The following SPECC1 variants were observed in gnomAD, a reference collection of about 807,000 sequenced individuals.
SPECC1 encodes the protein cytospin-B.
Under a neutral mutation model 104.1 loss-of-function variants are expected in SPECC1, and 62 were observed. The ratio of observed to expected loss-of-function variants is 0.60; its 90% CI spans 0.49 to 0.74. The LOEUF (loss-of-function observed/expected upper bound fraction) is 0.74. SPECC1 is among the 30% of genes least tolerant of loss of function. The pLI, the probability that SPECC1 is intolerant of heterozygous loss-of-function variation, is 0.00. For missense variants in SPECC1, 1,306 were observed against 1,310.5 expected, an observed-to-expected ratio of 1.00 and a Z score of 0.05; for synonymous variants, 513 against 501.6, an observed-to-expected ratio of 1.02 and a Z score of -0.30.
chr17:20,314,639 CA>C lies in SPECC1; in HGVS notation c.*581del. The C allele has an allele frequency of 1.3e-5, 3 of 227,108 alleles. No homozygotes were observed. Among genetic ancestry groups the C allele is most frequent in the Non-Finnish European group, 1.7e-5 (2 of 114,924 alleles). The allele number at this position is 227,108 out of a possible 1,614,324, so 14.1% of individuals were successfully genotyped here. A position where few individuals can be genotyped will look rare whatever the true frequency, so the allele number is the denominator to read the frequency against. On this transcript the variant is annotated 3_prime_UTR_variant, in exon 15 of 15. Transcript: ENST00000395527. The stretch of plus-strand genomic sequence containing the variant: ...TGTGTGAAAGAGCCAGACCCTGTCT[CA>C]AAAAAATGATAAAACCCAAAACTTT...
intron 7 of SPECC1, among the ~76,000 whole-genome samples, chr17:20,243,622 C>T (rs542749265): frequency 2.6e-5 from 4 of 152,280 alleles, no homozygotes; most frequent in African/African-American, 9.6e-5. Context: ...TTTCTCTTCT[C>T]AAATTATACA....
chr17:20,120,764 C>G (rs1167238077), intron 3 of SPECC1, among the ~76,000 whole-genome samples: 1 of 152,202 alleles, frequency 6.6e-6, no homozygotes, highest in Non-Finnish European at 1.5e-5. Context: ...TGATTTTGAA[C>G]TTACAAGAAT....
chr17:20,234,072 G>T (rs911528377), intron 7 of SPECC1, among the ~76,000 whole-genome samples: 7 of 152,168 alleles, frequency 4.6e-5, no homozygotes, highest in African/African-American at 1.7e-4. Context: ...AGACCATGCA[G>T]CGTGAACCCT....
At chr17:20,159,223 G>T (rs983334481) in intron 3 of SPECC1, among the ~76,000 whole-genome samples, 2 of 152,140 alleles carry the variant, frequency 1.3e-5, no homozygotes, top group Non-Finnish European at 2.9e-5. Flanking sequence ...GGGATCACAG[G>T]TGTGAGCCAC....
At chr17:20,288,781 T>A (rs1435397877) in intron 12 of SPECC1, among the ~76,000 whole-genome samples, 1 of 143,480 alleles carries the variant, frequency 7.0e-6, no homozygotes, top group Admixed American at 7.0e-5. Flanking sequence ...CTTTTTTTTT[T>A]TTTTTTTTTT....
chr17:20,162,116 C>T (rs1597851919), intron 3 of SPECC1, among the ~76,000 whole-genome samples: 1 of 151,162 alleles, frequency 6.6e-6, no homozygotes, highest in East Asian at 2.0e-4. Context: ...CACTTCTGCC[C>T]TCAGACTTCG....
intron 1 of SPECC1, among the ~76,000 whole-genome samples, chr17:20,059,213 G>C (rs951771983): frequency 6.6e-6 from 1 of 151,830 alleles, no homozygotes; most frequent in African/African-American, 2.4e-5. Flanking sequence ...CTGTAATATA[G>C]AATCAATGGG....
Position 20,188,514 on chromosome 17 carries a change from T to A in SPECC1, c.284-15819T>A, listed in dbSNP as rs1342356222. 2.0e-5 allele frequency among the ~76,000 whole-genome samples: 3 copies of A among 152,122 alleles called. No individual in the cohort carries two copies. The East Asian group carries it at 5.8e-4, about 29-fold the overall frequency. ...CTCAGGTGATATTCCTGACCTCAGGTGATCTGCCTGCCTTGGCCTCCCAAA... is the reference window on the plus strand; with the variant it reads ...CTCAGGTGATATTCCTGACCTCAGGAGATCTGCCTGCCTTGGCCTCCCAAA... On this transcript the variant is annotated intron_variant, in intron 3 of 14. Transcript: ENST00000395527.
Position 20,211,129 on chromosome 17 carries a change from A to G in SPECC1, c.1863+5217A>G, listed in dbSNP as rs141977959. On this transcript the variant is annotated intron_variant, in intron 4 of 14. Transcript: ENST00000395527. ...CTCAGAGGATTCAGATGTGCAGGCA[A>G]AACTCTTTGGGGCCCTGCAGGGAAG... Among the ~76,000 whole-genome samples, 891 of 152,276 alleles carry G rather than the reference A, an allele frequency of 5.9e-3. 1 individual carries two copies. Among genetic ancestry groups the G allele is most frequent in the Non-Finnish European group, 8.7e-3 (591 of 68,014 alleles).
At position 20,075,363 on chromosome 17, in the gene SPECC1, G is replaced by A. The variant is rs886820318; in HGVS notation, c.-21-21268G>A. Among the ~76,000 whole-genome samples, 3 of 152,200 alleles carry A rather than the reference G, an allele frequency of 2.0e-5. 1 individual carries two copies. The highest frequency in any genetic ancestry group is 4.4e-5 in the Non-Finnish European group (3 of 68,044). ...AGGCCTAGAGAGGTCAGAGAGATGGGTGGGCAGGTAGGTGAGTGGTGCAGC... is the reference window on the plus strand; with the variant it reads ...AGGCCTAGAGAGGTCAGAGAGATGGATGGGCAGGTAGGTGAGTGGTGCAGC... On this transcript the variant is annotated intron_variant, in intron 1 of 14. Coordinates refer to ENST00000395527, the MANE Select transcript of SPECC1 (RefSeq NM_001243439.2).
chr17:20,177,652 T>G (rs911914780), intron 3 of SPECC1, among the ~76,000 whole-genome samples: 1 of 152,260 alleles, frequency 6.6e-6, no homozygotes, highest in African/African-American at 2.4e-5. Context: ...CTATTGTATA[T>G]ATTACCATAA....
chr17:20,080,895 T>TG (rs2152490740), intron 1 of SPECC1, among the ~76,000 whole-genome samples: 1 of 152,184 alleles, frequency 6.6e-6, no homozygotes, highest in Admixed American at 6.5e-5. Context: ...GGGTGGTCAC[T>TG]GGGGCCCTCC....
intron 3 of SPECC1, among the ~76,000 whole-genome samples, chr17:20,193,822 G>A (rs1567922812): frequency 6.6e-6 from 1 of 152,200 alleles, no homozygotes; most frequent in African/African-American, 2.4e-5. Flanking sequence ...GTTGTTAGCT[G>A]ATTGTAATGT....
intron 2 of SPECC1, among the ~76,000 whole-genome samples, chr17:20,102,721 A>G (rs767373489): frequency 8.5e-5 from 13 of 152,092 alleles, no homozygotes; most frequent in South Asian, 4.1e-4. Context: ...TTGATGTTCT[A>G]TTGTACTCTC....
intron 3 of SPECC1, among the ~76,000 whole-genome samples, chr17:20,188,695 C>T (rs538377414): frequency 6.6e-6 from 1 of 152,186 alleles, no homozygotes; most frequent in South Asian, 2.1e-4. Flanking sequence ...TTTTGTGTGC[C>T]TCAAGTTAAT....
intron 7 of SPECC1, chr17:20,237,094 G>C (rs1020116166): frequency 7.1e-7 from 1 of 1,412,960 alleles, no homozygotes; most frequent in Non-Finnish European, 9.2e-7. Context: ...CATGATCAAA[G>C]ATGATGTTTC....
At chr17:20,295,088 G>C (rs1335891863) in intron 12 of SPECC1, among the ~76,000 whole-genome samples, 2 of 151,656 alleles carry the variant, frequency 1.3e-5, no homozygotes, top group Non-Finnish European at 2.9e-5. Flanking sequence ...TGTTACATAA[G>C]TATACATGTG....
chr17:20,199,850 C>T (rs919575231), intron 3 of SPECC1, among the ~76,000 whole-genome samples: 4 of 152,056 alleles, frequency 2.6e-5, no homozygotes, highest in South Asian at 2.1e-4. Context: ...CGTGCAGTGG[C>T]GTGATCTTGG....
chr17:20,194,847 C>T (rs913191470), intron 3 of SPECC1, among the ~76,000 whole-genome samples: 1 of 151,992 alleles, frequency 6.6e-6, no homozygotes, highest in East Asian at 1.9e-4. Flanking sequence ...AACTATTTTG[C>T]TGTAAGTTAA....
Sources: gnomAD v4.1 joint callset for allele counts (sites outside exome capture counted in the v4.1 genomes callset) on GRCh38, gnomAD v4.1.1 for gene constraint, MANE v1.5 for transcripts, NCBI Gene and HGNC (gene_info 2026-07-23, HGNC 2026-07-21) for gene names.